The following COL4A4 variants were observed in gnomAD, a reference collection of about 807,000 sequenced individuals.
The protein encoded by COL4A4 is collagen type IV alpha 4 chain, also known as collagen alpha-4(IV) chain.
A neutral mutation model predicts 192.9 loss-of-function variants in COL4A4; 105 were observed. The ratio of observed to expected loss-of-function variants is 0.54; its 90% CI spans 0.46 to 0.64. COL4A4 has a LOEUF of 0.64. Among genes scored for constraint, COL4A4 ranks in the 30% least tolerant of loss-of-function variants. COL4A4 has a pLI of 0.00. For missense variants in COL4A4, 1,967 were observed against 2,169.3 expected, an observed-to-expected ratio of 0.91 and a Z score of 1.85; for synonymous variants, 762 against 769.9, an observed-to-expected ratio of 0.99 and a Z score of 0.17.
In COL4A4 at chr2:227,120,735, C is replaced by T. The variant is rs141018005; in HGVS notation, c.327+279G>A. 3.0e-3 allele frequency: 1,037 copies of T among 350,184 alleles called. 7 individuals are homozygous for T. Among genetic ancestry groups the T allele is most frequent in the African/African-American group, 0.019 (920 of 47,462 alleles). The allele number at this position is 350,184 out of a possible 1,614,324, so 21.7% of individuals were successfully genotyped here. On this transcript the variant is annotated intron_variant, in intron 5 of 47. Coordinates refer to ENST00000396625, the MANE Select transcript of COL4A4 (RefSeq NM_000092.5). ...GGCAGATCACTTGAGGTCAGGAGTTCGAGACCAGCCTGGCCAATATGGTGA... is the reference window on the plus strand; with the variant it reads ...GGCAGATCACTTGAGGTCAGGAGTTTGAGACCAGCCTGGCCAATATGGTGA...
chr2:227,037,862 ATGTT>A (rs1970003654), intron 37 of COL4A4, among the ~76,000 whole-genome samples: 1 of 152,046 alleles, frequency 6.6e-6, no homozygotes, highest in Non-Finnish European at 1.5e-5. Flanking sequence ...TTATTTTCAT[ATGTT>A]TGTTGGCCGC....
At chr2:227,097,764 T>C (rs1045758069) in intron 19 of COL4A4, among the ~76,000 whole-genome samples, 6 of 152,244 alleles carry the variant, frequency 3.9e-5, no homozygotes, top group Admixed American at 2.0e-4. Context: ...TTGTGGTTAT[T>C]GAATCCTGCA....
At chr2:227,042,694 C>A (rs921023056) in intron 36 of COL4A4, among the ~76,000 whole-genome samples, 1 of 152,110 alleles carries the variant, frequency 6.6e-6, no homozygotes, top group Non-Finnish European at 1.5e-5. Flanking sequence ...GCTGAGACAG[C>A]CTCCCTGAGG....
chr2:227,028,806 C>T lies in COL4A4; in HGVS notation c.3974-797G>A, dbSNP rs186965645. On this transcript the variant is annotated intron_variant, in intron 41 of 47. Transcript: ENST00000396625. ...GAGTAGCTGGGACTACAGGCACACA[C>T]CACCATGCCCAGATAATTTTTTAAT... is the stretch of plus-strand genomic sequence containing the variant. 3.0e-3 allele frequency among the ~76,000 whole-genome samples: 449 copies of T among 151,992 alleles called. 1 individual carries two copies. Among genetic ancestry groups the T allele is most frequent in the African/African-American group, 0.01 (426 of 41,458 alleles).
intron 46 of COL4A4, 100 bp downstream of exon 46, chr2:227,010,213 C>T: frequency 8.3e-7 from 1 of 1,206,088 alleles, no homozygotes; most frequent in Non-Finnish European, 1.2e-6. Context: ...AGAATAATCC[C>T]ATATAAGGTT....
At chr2:227,154,230 A>G (rs192326572) in intron 1 of COL4A4, among the ~76,000 whole-genome samples, 83 of 152,328 alleles carry the variant, frequency 5.4e-4, no homozygotes, top group African/African-American at 2.0e-3. Flanking sequence ...CCTGGACTCC[A>G]ATTCCCCTGG....
At chr2:227,095,235 G>T (rs574077707) in intron 19 of COL4A4, among the ~76,000 whole-genome samples, 113 of 152,264 alleles carry the variant, frequency 7.4e-4, no homozygotes, top group African/African-American at 2.5e-3. Context: ...AGCATACTTA[G>T]TGGGTAAAAA....
intron 35 of COL4A4, among the ~76,000 whole-genome samples, chr2:227,044,375 G>A (rs1437577880): frequency 1.3e-5 from 2 of 152,172 alleles, no homozygotes; most frequent in Non-Finnish European, 2.9e-5. Flanking sequence ...AATAGTGTGT[G>A]CTGAAAATCA....
intron 7 of COL4A4, among the ~76,000 whole-genome samples, chr2:227,115,774 G>GT (rs2061460861): frequency 6.6e-6 from 1 of 152,184 alleles, no homozygotes; most frequent in Non-Finnish European, 1.5e-5. Context: ...AGGTTTGGTA[G>GT]TATCTGCAGT....
chr2:227,069,667 C>A (rs138949665), intron 25 of COL4A4, among the ~76,000 whole-genome samples: 3 of 152,016 alleles, frequency 2.0e-5, no homozygotes, highest in Non-Finnish European at 4.4e-5. Flanking sequence ...GCTAGCCATA[C>A]GTAGAAAGCT....
chr2:227,128,250 C>T (rs939224315), intron 4 of COL4A4, among the ~76,000 whole-genome samples: 11 of 152,346 alleles, frequency 7.2e-5, no homozygotes, highest in East Asian at 1.9e-4. Context: ...CACTAAATCA[C>T]GCTCATGCCA....
the COL4A4 span, among the ~76,000 whole-genome samples, chr2:226,978,854 G>A: frequency 1.3e-5 from 2 of 152,182 alleles, no homozygotes; most frequent in Non-Finnish European, 2.9e-5. Flanking sequence ...AGCAAGGAGA[G>A]ATGTTTGTTT....
At chr2:227,071,661 T>C (rs1041795190) in intron 25 of COL4A4, among the ~76,000 whole-genome samples, 4 of 152,096 alleles carry the variant, frequency 2.6e-5, no homozygotes, top group Admixed American at 6.6e-5. Flanking sequence ...AAAATAAGTC[T>C]CAATAAATTT....
intron 22 of COL4A4, among the ~76,000 whole-genome samples, chr2:227,084,049 G>A (rs1037622093): frequency 3.3e-5 from 5 of 152,182 alleles, no homozygotes; most frequent in African/African-American, 1.2e-4. Context: ...CCTGTTTGTA[G>A]CAATGTCTGT....
chr2:226,995,236 AACC>A, the COL4A4 span, among the ~76,000 whole-genome samples: 1 of 152,256 alleles, frequency 6.6e-6, no homozygotes, highest in Non-Finnish European at 1.5e-5. Flanking sequence ...TTCATGGCTG[AACC>A]ACTCTAAAAA....
chr2:227,053,620 T>A (rs951375641), intron 31 of COL4A4, among the ~76,000 whole-genome samples: 1 of 145,246 alleles, frequency 6.9e-6, no homozygotes, highest in African/African-American at 2.6e-5. Flanking sequence ...TGATCTCTGC[T>A]CACTGCAAGC....
Position 227,052,429 on chromosome 2 carries a change from T to C in COL4A4, c.2861-17A>G, listed in dbSNP as rs756790272. The C allele has an allele frequency of 9.3e-6, 13 of 1,397,736 alleles. No homozygotes were observed. Among genetic ancestry groups the C allele is most frequent in the African/African-American group, 1.4e-5 (1 of 70,216 alleles). 86.6% of individuals were successfully genotyped at this position (1,397,736 alleles called of 1,614,324 possible). A position where few individuals can be genotyped will look rare whatever the true frequency, so the allele number is the denominator to read the frequency against. ...CTATGGCTCCTATGGATATTAATTA[T>C]GCAAGAACAAAATGAACAGGAACAT... On this transcript the variant is annotated splice_polypyrimidine_tract_variant and intron_variant, in intron 31 of 47. Transcript: ENST00000396625.
intron 22 of COL4A4, among the ~76,000 whole-genome samples, chr2:227,084,233 C>T (rs2059467633): frequency 6.6e-6 from 1 of 152,026 alleles, no homozygotes; most frequent in South Asian, 2.1e-4. Flanking sequence ...CATATGGTAT[C>T]CTGCCCAAGA....
chr2:227,031,036 T>G, intron 40 of COL4A4, among the ~76,000 whole-genome samples: 1 of 150,430 alleles, frequency 6.6e-6, no homozygotes, highest in Admixed American at 6.6e-5. Flanking sequence ...GATGGTTGGA[T>G]GGACAGATGG....
Sources: allele counts gnomAD v4.1 joint callset (sites outside exome capture counted in the v4.1 genomes callset), GRCh38; gene constraint gnomAD v4.1.1; transcripts MANE v1.5; gene names NCBI Gene and HGNC (gene_info 2026-07-23, HGNC 2026-07-21).